Variants in ADGB observed in about 807,000 individuals in gnomAD.
The protein encoded by ADGB is calpain-7-like protein.
Under a neutral mutation model 210.5 loss-of-function variants are expected in ADGB, and 172 were observed. The ratio of observed to expected loss-of-function variants is 0.82; its 90% CI spans 0.72 to 0.93. The LOEUF (loss-of-function observed/expected upper bound fraction) is 0.93. ADGB is among the 40% of genes least tolerant of loss of function. The pLI, the probability that ADGB is intolerant of heterozygous loss-of-function variation, is 0.00. For missense variants in ADGB, 2,025 were observed against 1,964.8 expected (o/e 1.03, Z -0.58); for synonymous variants, 658 against 662.7 (o/e 0.99, Z 0.11).
chr6:146,737,986 T>C (rs918937945), intron 23 of ADGB, among the ~76,000 whole-genome samples: 21 of 152,344 alleles, frequency 1.4e-4, no homozygotes, highest in African/African-American at 5.1e-4. Context: ...TAAACTCAAA[T>C]GCCAGTGGCA....
chr6:146,651,183 C>T (rs889934908), intron 3 of ADGB, among the ~76,000 whole-genome samples: 1 of 152,194 alleles, frequency 6.6e-6, no homozygotes, highest in African/African-American at 2.4e-5. Context: ...ATGGGGACAA[C>T]CAGCCATGAG....
chr6:146,746,145 T>TA (rs771558574), intron 26 of ADGB, 36 bp downstream of exon 26: 2 of 1,350,666 alleles, frequency 1.5e-6, no homozygotes, highest in Non-Finnish European at 1.0e-6. Flanking sequence ...AGGCATTTTT[T>TA]AAAAAATATT....
chr6:146,663,357 G>A lies in ADGB; in HGVS notation c.613-844G>A, dbSNP rs957656883. ...CTGGGAAGTGTGAGATCAAGGCACT[G>A]GTAGATTTGGTGTCTGGCAAAGCCC... On this transcript the variant is annotated intron_variant, in intron 5 of 35. Transcript: ENST00000397944. Among the ~76,000 whole-genome samples the A allele has an allele frequency of 2.6e-5, 4 of 151,528 alleles. No individual in the cohort carries two copies. The South Asian group carries it at 8.3e-4, about 32-fold the overall frequency.
chr6:146,728,553 T>C, intron 19 of ADGB, 21 bp from the exon 20 acceptor site: 1 of 1,547,718 alleles, frequency 6.5e-7, no homozygotes, highest in South Asian at 1.2e-5. Flanking sequence ...TGAGGATGGC[T>C]GCCATGCTTT....
intron 29 of ADGB, among the ~76,000 whole-genome samples, chr6:146,774,344 A>G (rs1342861944): frequency 2.6e-5 from 4 of 152,244 alleles, no homozygotes; most frequent in Non-Finnish European, 5.9e-5. Flanking sequence ...AACACTCAAC[A>G]AAATGGTATT....
intron 3 of ADGB, among the ~76,000 whole-genome samples, chr6:146,647,115 A>AAAAAAC (rs1562263814): frequency 6.2e-4 from 92 of 147,988 alleles, no homozygotes; most frequent in African/African-American, 2.3e-3. Flanking sequence ...CAAAAAACAA[A>AAAAAAC]AAACAAACAA....
intron 1 of ADGB, among the ~76,000 whole-genome samples, chr6:146,608,329 T>C (rs1780659651): frequency 6.6e-6 from 1 of 152,022 alleles, no homozygotes; most frequent in Non-Finnish European, 1.5e-5. Context: ...AAAGAACTTT[T>C]GGTTTTGTTG....
chr6:146,789,141 C>G (rs1382000810), intron 33 of ADGB, among the ~76,000 whole-genome samples: 1 of 152,194 alleles, frequency 6.6e-6, no homozygotes, highest in African/African-American at 2.4e-5. Context: ...TTTCCACACT[C>G]CTGGTTTCCA....
At chr6:146,673,836 T>C (rs568559175) in intron 8 of ADGB, among the ~76,000 whole-genome samples, 8 of 152,264 alleles carry the variant, frequency 5.3e-5, no homozygotes, top group African/African-American at 1.9e-4. Context: ...GCTGGTGATA[T>C]ACACTTGGGA....
intron 1 of ADGB, among the ~76,000 whole-genome samples, chr6:146,620,288 G>A (rs544494936): frequency 1.2e-3 from 178 of 152,188 alleles, no homozygotes; most frequent in Non-Finnish European, 2.1e-3. Context: ...ATGTCTGAGC[G>A]TCCTCTCTTT....
intron 14 of ADGB, among the ~76,000 whole-genome samples, chr6:146,715,742 T>TTA (rs1776722974): frequency 6.6e-6 from 1 of 152,046 alleles, no homozygotes; most frequent in Admixed American, 6.6e-5. Context: ...GAATTCAAAA[T>TTA]TATATATATA....
chr6:146,782,313 C>A, intron 30 of ADGB, 121 bp downstream of exon 30: 1 of 1,015,654 alleles, frequency 9.8e-7, no homozygotes, highest in Non-Finnish European at 1.4e-6. Context: ...TTCCAGAAAC[C>A]ATCTAGATAC....
At chr6:146,807,257 G>A (rs1198200081) in intron 35 of ADGB, 1 of 759,374 alleles carries the variant, frequency 1.3e-6, no homozygotes, top group Non-Finnish European at 2.1e-6. Flanking sequence ...AAGCTTTTGA[G>A]ACCATACACT....
rs1475959140 is a variant in ADGB, at chr6:146,807,588, C to T, written c.4818+5577C>T. On this transcript the variant is annotated intron_variant, in intron 35 of 35. Coordinates refer to ENST00000397944, the MANE Select transcript of ADGB (RefSeq NM_024694.4). The stretch of plus-strand genomic sequence containing the variant: ...AAAAAAGAAAGGAAAGAAAAAGTAA[C>T]CAGGGGATGTCCAATACCACCCTGC... 4.2e-5 allele frequency: 65 copies of T among 1,536,598 alleles called. 1 individual carries two copies. The Admixed American group carries it at 1.4e-3, about 33-fold the overall frequency.
At chr6:146,626,865 C>G (rs1780979751) in intron 1 of ADGB, among the ~76,000 whole-genome samples, 2 of 151,366 alleles carry the variant, frequency 1.3e-5, no homozygotes, top group African/African-American at 4.9e-5. Flanking sequence ...GTCTTTAATC[C>G]CTTCTTGGTG....
intron 2 of ADGB, among the ~76,000 whole-genome samples, chr6:146,644,030 C>A (rs1233658117): frequency 6.6e-6 from 1 of 151,500 alleles, no homozygotes; most frequent in African/African-American, 2.4e-5. Context: ...AAGTTGTTGC[C>A]AAGTATTAGG....
chr6:146,760,066 C>A (rs1199539062), intron 27 of ADGB, among the ~76,000 whole-genome samples: 1 of 151,684 alleles, frequency 6.6e-6, no homozygotes, highest in African/African-American at 2.4e-5. Flanking sequence ...GAATTAATGA[C>A]TAATGGATGG....
chr6:146,780,101 G>A (rs1281317813), intron 29 of ADGB, among the ~76,000 whole-genome samples: 1 of 151,494 alleles, frequency 6.6e-6, no homozygotes, highest in Non-Finnish European at 1.5e-5. Context: ...AACATAAAGG[G>A]GGACAGAAAT....
chr6:146,661,271 A>AGT (rs1290845856), intron 5 of ADGB, among the ~76,000 whole-genome samples: 1 of 122,326 alleles, frequency 8.2e-6, no homozygotes, highest in African/African-American at 3.2e-5. Flanking sequence ...CTCAGGCTGG[A>AGT]GTGTAGTGGC....
Sources: gnomAD v4.1 joint callset for allele counts (sites outside exome capture counted in the v4.1 genomes callset) on GRCh38, gnomAD v4.1.1 for gene constraint, MANE v1.5 for transcripts, NCBI Gene and HGNC (gene_info 2026-07-23, HGNC 2026-07-21) for gene names.